The following ELP4 variants were observed in gnomAD, a reference collection of about 807,000 sequenced individuals.
ELP4 encodes the protein elongator acetyltransferase complex subunit 4, also known as elongator complex protein 4.
In ELP4, 51 loss-of-function variants were observed where a neutral mutation model predicts 48.9. That is an observed-to-expected ratio of 1.04 (90% CI 0.83 to 1.32). ELP4 has a LOEUF of 1.32. Among genes scored for constraint, ELP4 ranks in the 40% most tolerant of loss-of-function variants. The probability of loss-of-function intolerance (pLI) is 0.00; values close to 1 mark genes in which losing one functional copy is unlikely to be tolerated. For synonymous variants in ELP4, 210 were observed against 189.2 expected, an observed-to-expected ratio of 1.11 and a Z score of -0.90; for missense variants, 519 against 514.6, an observed-to-expected ratio of 1.01 and a Z score of -0.08.
chr11:31,629,774 T>G (rs1031503435), intron 6 of ELP4, among the ~76,000 whole-genome samples: 3 of 151,772 alleles, frequency 2.0e-5, no homozygotes, highest in African/African-American at 7.2e-5. Context: ...ATTTTTTTTT[T>G]TTTTTTGTAT....
intron 3 of ELP4, among the ~76,000 whole-genome samples, chr11:31,563,592 T>A (rs1957057062): frequency 6.6e-6 from 1 of 152,174 alleles, no homozygotes; most frequent in Non-Finnish European, 1.5e-5. Context: ...TCAGATAGGA[T>A]CTTTAAAGGA....
chr11:31,717,802 A>G (rs1946871827), intron 9 of ELP4, among the ~76,000 whole-genome samples: 1 of 151,954 alleles, frequency 6.6e-6, no homozygotes, highest in African/African-American at 2.4e-5. Context: ...AGTGAAGTTT[A>G]TTTCCTTTGT....
intron 5 of ELP4, among the ~76,000 whole-genome samples, chr11:31,613,359 A>C (rs576726830): frequency 6.6e-6 from 1 of 152,216 alleles, no homozygotes; most frequent in Non-Finnish European, 1.5e-5. Flanking sequence ...GAAAGACTGC[A>C]AACTAAATCC....
intron 9 of ELP4, among the ~76,000 whole-genome samples, chr11:31,699,166 C>G (rs1946470233): frequency 1.3e-5 from 2 of 152,136 alleles, no homozygotes; most frequent in Admixed American, 6.5e-5. Context: ...GTTTCTGAGT[C>G]TCTTCCTCCA....
At chr11:31,600,033 T>C (rs1957750900) in intron 4 of ELP4, 1 of 152,162 alleles carries the variant, frequency 6.6e-6, no homozygotes, top group South Asian at 2.1e-4. Flanking sequence ...GGTGTATTGA[T>C]TATCATAGAT....
chr11:31,581,543 G>C (rs139135325), intron 3 of ELP4, among the ~76,000 whole-genome samples: 2 of 151,386 alleles, frequency 1.3e-5, no homozygotes, highest in African/African-American at 4.8e-5. Context: ...TGTTCCTGAC[G>C]TGTTCACACC....
intron 9 of ELP4, among the ~76,000 whole-genome samples, chr11:31,678,533 G>A (rs201008079): frequency 3.0e-5 from 3 of 99,104 alleles, no homozygotes; most frequent in Non-Finnish European, 5.8e-5. Context: ...GTGTGTGTGT[G>A]TGTGTGTGTA....
intron 9 of ELP4, among the ~76,000 whole-genome samples, chr11:31,742,753 C>T (rs977845682): frequency 6.6e-6 from 1 of 152,064 alleles, no homozygotes; most frequent in African/African-American, 2.4e-5. Context: ...GAAGGAAGCA[C>T]TAAACATGGA....
At chr11:31,562,607 A>G (rs1450230230) in intron 3 of ELP4, among the ~76,000 whole-genome samples, 1 of 152,160 alleles carries the variant, frequency 6.6e-6, no homozygotes, top group East Asian at 1.9e-4. Context: ...TTGTATACCA[A>G]TGTGAAAGTG....
intron 9 of ELP4, chr11:31,663,896 GTTA>G (rs893965324): frequency 6.6e-5 from 10 of 151,978 alleles, no homozygotes; most frequent in African/African-American, 2.4e-4. Flanking sequence ...GCTAATGTAA[GTTA>G]TTGTATTTTA....
chr11:31,534,900 A>C (rs1032593093), intron 2 of ELP4, among the ~76,000 whole-genome samples: 1 of 152,204 alleles, frequency 6.6e-6, no homozygotes, highest in Non-Finnish European at 1.5e-5. Flanking sequence ...AGTTGAGTGA[A>C]GGTGAATTCT....
At chr11:31,770,844 A>T (rs572068183) in intron 9 of ELP4, among the ~76,000 whole-genome samples, 3 of 133,212 alleles carry the variant, frequency 2.3e-5, no homozygotes, top group East Asian at 5.2e-4. Context: ...AAGAAAAAAA[A>T]AAAAACAAGA....
intron 7 of ELP4, among the ~76,000 whole-genome samples, chr11:31,639,201 A>G (rs1180586903): frequency 6.6e-6 from 1 of 151,824 alleles, no homozygotes; most frequent in African/African-American, 2.4e-5. Flanking sequence ...ATCTGCCTTT[A>G]ATGTTTTCAG....
chr11:31,628,576 AT>A (rs924311800), intron 6 of ELP4, among the ~76,000 whole-genome samples: 10 of 150,896 alleles, frequency 6.6e-5, no homozygotes, highest in South Asian at 2.1e-4. Context: ...TCAAAAAACA[AT>A]TTTTTTTTCA....
At chr11:31,663,785 T>C (rs997249175) in intron 9 of ELP4, 1 of 152,040 alleles carries the variant, frequency 6.6e-6, no homozygotes, top group African/African-American at 2.4e-5. Flanking sequence ...CCTGGTAAGA[T>C]TATTTTTAAG....
At chr11:31,714,155 T>A (rs767280310) in intron 9 of ELP4, among the ~76,000 whole-genome samples, 1 of 152,158 alleles carries the variant, frequency 6.6e-6, no homozygotes, top group Non-Finnish European at 1.5e-5. Flanking sequence ...ATGTAGGGAT[T>A]TCAGAGCCAG....
chr11:31,702,946 C>T (rs1001684116), intron 9 of ELP4, among the ~76,000 whole-genome samples: 1 of 152,210 alleles, frequency 6.6e-6, no homozygotes, highest in Non-Finnish European at 1.5e-5. Flanking sequence ...GCACTTAGAA[C>T]AGTTAAATTC....
At chr11:31,730,022 A>G (rs574018863) in intron 9 of ELP4, among the ~76,000 whole-genome samples, 4 of 152,300 alleles carry the variant, frequency 2.6e-5, no homozygotes, top group East Asian at 3.9e-4. Flanking sequence ...ACACCAAAAC[A>G]TAGACCAGTT....
chr11:31,744,052 A>C (rs1565136871), intron 9 of ELP4, among the ~76,000 whole-genome samples: 1 of 152,178 alleles, frequency 6.6e-6, no homozygotes, highest in Non-Finnish European at 1.5e-5. Context: ...AAAAATGATA[A>C]AGGGGATATC....
Sources: allele counts gnomAD v4.1 joint callset (sites outside exome capture counted in the v4.1 genomes callset), GRCh38; gene constraint gnomAD v4.1.1; transcripts MANE v1.5; gene names NCBI Gene and HGNC (gene_info 2026-07-23, HGNC 2026-07-21).